DYRK4: variants seen among roughly 807,000 people sequenced by gnomAD.
DYRK4 encodes the protein dual specificity tyrosine-phosphorylation-regulated kinase 4.
In DYRK4, 64 loss-of-function variants were observed where a neutral mutation model predicts 68.3. The observed-to-expected ratio is 0.94, with a 90% CI of 0.77 to 1.15. The LOEUF (loss-of-function observed/expected upper bound fraction) is 1.15, where lower values mean the gene tolerates loss of function less well. Ranked by LOEUF, DYRK4 falls within the 50% of genes most tolerant of loss-of-function variation. The probability of loss-of-function intolerance (pLI) is 0.00; values close to 1 mark genes in which losing one functional copy is unlikely to be tolerated. For missense variants in DYRK4, 740 were observed against 764.7 expected, an observed-to-expected ratio of 0.97 and a Z score of 0.38; for synonymous variants, 274 against 289.9, an observed-to-expected ratio of 0.95 and a Z score of 0.56.
At chr12:4,579,970 GTTAA>G (rs1944825958) in intron 2 of DYRK4, among the ~76,000 whole-genome samples, 3 of 152,160 alleles carry the variant, frequency 2.0e-5, no homozygotes, top group Admixed American at 1.3e-4. Context: ...GCTTGCTGCT[GTTAA>G]TTGTGTTATC....
intron 11 of DYRK4, among the ~76,000 whole-genome samples, chr12:4,606,377 A>G (rs1945152021): frequency 1.3e-5 from 2 of 152,296 alleles, no homozygotes; most frequent in South Asian, 2.1e-4. Flanking sequence ...GATTGTCTCA[A>G]AGTTACAGAG....
chr12:4,587,802 G>A (rs2137356086), intron 2 of DYRK4, among the ~76,000 whole-genome samples: 1 of 152,324 alleles, frequency 6.6e-6, no homozygotes, highest in East Asian at 1.9e-4. Flanking sequence ...GATATTAAGT[G>A]TTGTACCCAG....
intron 2 of DYRK4, 30 bp from the exon 3 acceptor site, chr12:4,588,907 A>C: frequency 6.5e-7 from 1 of 1,531,488 alleles, no homozygotes; most frequent in East Asian, 2.4e-5. Context: ...CATGCCAAGC[A>C]TTGTTCCTAT....
intron 2 of DYRK4, among the ~76,000 whole-genome samples, chr12:4,584,373 A>T (rs1944873446): frequency 6.6e-6 from 1 of 152,206 alleles, no homozygotes; most frequent in Admixed American, 6.5e-5. Flanking sequence ...TTGCGGAAGC[A>T]GGAGGCAGGT....
intron 11 of DYRK4, among the ~76,000 whole-genome samples, chr12:4,605,338 A>C (rs1945131944): frequency 6.6e-6 from 1 of 152,242 alleles, no homozygotes; most frequent in Non-Finnish European, 1.5e-5. Flanking sequence ...GTGACATTTT[A>C]AAATAAAATT....
At chr12:4,571,681 TTA>T (rs1944731960) in intron 2 of DYRK4, among the ~76,000 whole-genome samples, 1 of 152,252 alleles carries the variant, frequency 6.6e-6, no homozygotes, top group Non-Finnish European at 1.5e-5. Flanking sequence ...TAAAATAATT[TTA>T]TATGTTTATA....
chr12:4,599,916 G>T, intron 10 of DYRK4, 128 bp downstream of exon 10: 1 of 735,124 alleles, frequency 1.4e-6, no homozygotes, highest in Non-Finnish European at 2.3e-6. Flanking sequence ...TGAACAAGGT[G>T]CTTCGCTTCT....
intron 5 of DYRK4, chr12:4,592,460 A>C (rs1944967215): frequency 6.6e-6 from 1 of 152,160 alleles, no homozygotes; most frequent in Non-Finnish European, 1.5e-5. Flanking sequence ...CGAGAGCGCC[A>C]ATGTGATCTG....
At chr12:4,589,415 A>G (rs372504609) in intron 3 of DYRK4, among the ~76,000 whole-genome samples, 2 of 152,196 alleles carry the variant, frequency 1.3e-5, no homozygotes, top group African/African-American at 4.8e-5. Flanking sequence ...GTGCTATCAA[A>G]CATGAGGTCT....
chr12:4,606,359 A>G (rs778045773), intron 11 of DYRK4, among the ~76,000 whole-genome samples: 5 of 151,864 alleles, frequency 3.3e-5, no homozygotes, highest in South Asian at 2.1e-4. Flanking sequence ...CCAAATTTCT[A>G]TTTTCCAGAT....
chr12:4,584,758 T>C (rs977357017), intron 2 of DYRK4, among the ~76,000 whole-genome samples: 9 of 152,012 alleles, frequency 5.9e-5, no homozygotes, highest in African/African-American at 1.7e-4. Flanking sequence ...GGTTTCATTA[T>C]GTTAGCCAGG....
chr12:4,594,862 CACTT>C (rs1166560074), intron 6 of DYRK4, among the ~76,000 whole-genome samples: 4 of 152,152 alleles, frequency 2.6e-5, no homozygotes, highest in Admixed American at 1.3e-4. Flanking sequence ...GCTGCATTCT[CACTT>C]AATTTTGTCA....
At chr12:4,585,994 G>T (rs1049116661) in intron 2 of DYRK4, among the ~76,000 whole-genome samples, 6 of 152,136 alleles carry the variant, frequency 3.9e-5, no homozygotes, top group Admixed American at 2.0e-4. Flanking sequence ...CAGGAGGATT[G>T]CTTGAGCTCA....
chr12:4,602,372 G>T (rs919240667), intron 10 of DYRK4: 2 of 897,086 alleles, frequency 2.2e-6, no homozygotes, highest in African/African-American at 3.3e-5. Flanking sequence ...TTTTGTTCTC[G>T]TTTTGTAGTT....
chr12:4,563,164 C>T (rs1162282436), intron 1 of DYRK4: 1 of 455,914 alleles, frequency 2.2e-6, no homozygotes, highest in Admixed American at 2.3e-5. Flanking sequence ...ATTTGATCAC[C>T]TACATGTGGT....
At chr12:4,565,141 A>G (rs1249400334) in intron 1 of DYRK4, among the ~76,000 whole-genome samples, 1 of 152,268 alleles carries the variant, frequency 6.6e-6, no homozygotes, top group East Asian at 1.9e-4. Flanking sequence ...AAATATAAAA[A>G]GCAGTTTAAT....
At chr12:4,608,344 C>T (rs1426028332) in intron 12 of DYRK4, among the ~76,000 whole-genome samples, 1 of 152,186 alleles carries the variant, frequency 6.6e-6, no homozygotes, top group South Asian at 2.1e-4. Context: ...CCCAGACATT[C>T]CTGGCCCTCC....
intron 4 of DYRK4, 144 bp downstream of exon 4, chr12:4,590,584 C>A (rs1282324064): frequency 5.7e-6 from 8 of 1,403,842 alleles, no homozygotes; most frequent in Non-Finnish European, 6.5e-6. Context: ...TCATTCTTTA[C>A]AATGACTATA....
At chr12:4,597,283 C>A in intron 8 of DYRK4, 1 of 373,294 alleles carries the variant, frequency 2.7e-6, no homozygotes, top group Non-Finnish European at 3.7e-6. Flanking sequence ...TCTGGGAAGA[C>A]CATCTGATGC....
Sources: gnomAD v4.1 joint callset for allele counts (sites outside exome capture counted in the v4.1 genomes callset) on GRCh38, gnomAD v4.1.1 for gene constraint, MANE v1.5 for transcripts, NCBI Gene and HGNC (gene_info 2026-07-23, HGNC 2026-07-21) for gene names.